COL27A1: variants seen among roughly 807,000 people sequenced by gnomAD.
COL27A1 encodes the protein collagen type XXVII alpha 1 chain.
A neutral mutation model predicts 251.3 loss-of-function variants in COL27A1; 106 were observed. That is an observed-to-expected ratio of 0.42 (90% CI 0.36 to 0.50). COL27A1 has a LOEUF of 0.50. COL27A1 is among the 20% of genes least tolerant of loss of function. The pLI is 0.00. For missense variants in COL27A1, 2,325 were observed against 2,522.8 expected (o/e 0.92, Z 1.68); for synonymous variants, 1,000 against 986.3 (o/e 1.01, Z -0.26).
In COL27A1 at chr9:114,252,980, G is replaced by A. The variant is rs200778855; in HGVS notation, c.3141+48G>A. On this transcript the variant is annotated intron_variant, in intron 27 of 60. Transcript: ENST00000356083. ...CTAAGCTCAAACCACTGTCAGATAA[G>A]GGTTAGGTGGCTGGGTGTGGTGGCT... 1.8e-5 allele frequency: 27 copies of A among 1,497,236 alleles called. No individual in the cohort carries two copies. The East Asian group carries it at 5.9e-4, about 33-fold the overall frequency. 92.7% of individuals were successfully genotyped at this position (1,497,236 alleles called of 1,614,324 possible).
At chr9:114,304,811 C>T (rs1003589922) in intron 57 of COL27A1, 138 bp downstream of exon 57, 8 of 713,872 alleles carry the variant, frequency 1.1e-5, no homozygotes, top group Non-Finnish European at 1.9e-5. Context: ...CATCTCGCAT[C>T]CACAAATGGG....
At chr9:114,235,467 A>G in intron 16 of COL27A1, 132 bp from the exon 17 acceptor site, 2 of 771,856 alleles carry the variant, frequency 2.6e-6, no homozygotes, top group Non-Finnish European at 4.7e-6. Context: ...TTCCTCTCAC[A>G]AGGCTGCTGC....
At chr9:114,243,444 C>T in intron 22 of COL27A1, 63 bp from the exon 23 acceptor site, 1 of 1,411,178 alleles carries the variant, frequency 7.1e-7, no homozygotes, top group Non-Finnish European at 1.0e-6. Flanking sequence ...CCCTTGGAGC[C>T]CCTGGACCCC....
chr9:114,265,595 G>A, intron 32 of COL27A1, 120 bp downstream of exon 32: 1 of 956,250 alleles, frequency 1.0e-6, no homozygotes, highest in East Asian at 2.6e-5. Flanking sequence ...AACCCGCTGT[G>A]GGCCAGGCCT....
intron 23 of COL27A1, among the ~76,000 whole-genome samples, chr9:114,243,927 T>TC (rs1319259463): frequency 1.1e-5 from 1 of 90,786 alleles, no homozygotes; most frequent in African/African-American, 5.4e-5. Context: ...TTTCTTTCAT[T>TC]TTTTTTTTTT....
At chr9:114,214,011 C>T (rs1185571964) in intron 12 of COL27A1, among the ~76,000 whole-genome samples, 1 of 152,194 alleles carries the variant, frequency 6.6e-6, no homozygotes, top group African/African-American at 2.4e-5. Flanking sequence ...AACTCTGTTC[C>T]AGCCACCATG....
Position 114,290,183 on chromosome 9 carries a change from C to G in COL27A1, c.4261-41C>G. The G allele has an allele frequency of 1.2e-5, 19 of 1,587,222 alleles. No homozygotes were observed. Among genetic ancestry groups the G allele is most frequent in the Non-Finnish European group, 1.5e-5 (17 of 1,165,288 alleles). ...CCCACACCCGCCCTCCTCCCACTCC[C>G]TGCACCAAATGCCCTCACCAGCTTT... On this transcript the variant is annotated intron_variant, in intron 46 of 60. Transcript: ENST00000356083. This position sits in a 1 kb window ranked among gnomAD's most constrained non-coding sequence, Gnocchi z 4.6.
intron 18 of COL27A1, among the ~76,000 whole-genome samples, chr9:114,237,339 T>C (rs978637561): frequency 2.0e-5 from 3 of 152,266 alleles, no homozygotes; most frequent in African/African-American, 7.2e-5. Flanking sequence ...CTGTCATTTA[T>C]TGAGTGTCAC....
chr9:114,220,216 G>A (rs1451878738), intron 13 of COL27A1, among the ~76,000 whole-genome samples: 1 of 152,208 alleles, frequency 6.6e-6, no homozygotes, highest in African/African-American at 2.4e-5. Flanking sequence ...GAAGCAAACG[G>A]TCTGCAGGCC....
intron 14 of COL27A1, among the ~76,000 whole-genome samples, chr9:114,222,525 C>T (rs967228182): frequency 2.6e-5 from 4 of 152,112 alleles, no homozygotes; most frequent in African/African-American, 7.2e-5. Flanking sequence ...CTTCTCTGAG[C>T]CTGTTTCCTT....
intron 27 of COL27A1, among the ~76,000 whole-genome samples, chr9:114,255,297 C>G (rs970865916): frequency 4.6e-5 from 7 of 152,142 alleles, no homozygotes; most frequent in Admixed American, 4.6e-4. Flanking sequence ...AGGGCCCGGC[C>G]TCCCTCCCAG....
In COL27A1 at chr9:114,195,939, A is replaced by C; in HGVS notation, c.2071-20A>C. 1 of 1,605,654 alleles carries C rather than the reference A, an allele frequency of 6.2e-7. No individual in the cohort carries two copies. Among genetic ancestry groups the C allele is most frequent in the Non-Finnish European group, 8.5e-7 (1 of 1,172,390 alleles). ...CTGCTCCCGTTTTCCTGCCTCACCC[A>C]CCTTGTCTGTGTCTTCCAGGGTGAC... is the stretch of plus-strand genomic sequence containing the variant. On this transcript the variant is annotated intron_variant, in intron 6 of 60. Coordinates refer to ENST00000356083, the MANE Select transcript of COL27A1 (RefSeq NM_032888.4).
intron 28 of COL27A1, among the ~76,000 whole-genome samples, chr9:114,259,993 GGT>G (rs1834202268): frequency 1.1e-5 from 1 of 93,776 alleles, no homozygotes; most frequent in Non-Finnish European, 2.3e-5. Context: ...ATGTCCTCTG[GGT>G]GGGGGGGGGG....
At chr9:114,159,800 G>T (rs190477103) in intron 1 of COL27A1, among the ~76,000 whole-genome samples, 1 of 152,348 alleles carries the variant, frequency 6.6e-6, no homozygotes, top group East Asian at 1.9e-4. Flanking sequence ...CGTTGCCCAG[G>T]ATGGAAGTAC....
intron 58 of COL27A1, 97 bp from the exon 59 acceptor site, chr9:114,307,572 G>C: frequency 1.2e-6 from 1 of 835,730 alleles, no homozygotes; most frequent in African/African-American, 1.7e-5. Flanking sequence ...CTCACCTGGG[G>C]CTCGGCAGGT....
chr9:114,283,578 A>G, intron 39 of COL27A1, 131 bp from the exon 40 acceptor site: 1 of 761,128 alleles, frequency 1.3e-6, no homozygotes, highest in Non-Finnish European at 2.2e-6. Flanking sequence ...CCTTGTTCAC[A>G]CACTTTGGTT....
In COL27A1 at chr9:114,306,682, G is replaced by T; in HGVS notation, c.5101G>T (p.Val1701Leu). The T allele has an allele frequency of 6.2e-7, 1 of 1,612,942 alleles. No individual in the cohort carries two copies. Among genetic ancestry groups the T allele is most frequent in the Non-Finnish European group, 8.5e-7 (1 of 1,179,672 alleles). ...CCTCATGGACTGTGAGCAGAAGATGGTGGATGGTGAGAAGGCTTCCTGCCG... is the reference window on the plus strand; with the variant it reads ...CCTCATGGACTGTGAGCAGAAGATGTTGGATGGTGAGAAGGCTTCCTGCCG... ...RDLMDCEQKM[V>L]DGTYWVDPNL... The change falls in exon 58 of 61, where the codon GTG becomes TTG. Residue 1701 changes from valine (V) to leucine (L), a missense_variant. Around this residue, in one of 4 missense-constraint regions of COL27A1, gnomAD observed 327 missense variants for 442.8 expected, o/e 0.74. Coordinates refer to ENST00000356083, the MANE Select transcript of COL27A1 (RefSeq NM_032888.4).
In COL27A1 at chr9:114,310,669, G is replaced by A. The variant is rs1829385521; in HGVS notation, c.5557G>A (p.Glu1853Lys). The A allele has an allele frequency of 3.7e-6, 6 of 1,614,168 alleles. No homozygotes were observed. Among genetic ancestry groups the A allele is most frequent in the Admixed American group, 1.7e-5 (1 of 60,026 alleles). Residue 1853 changes from glutamate (E) to lysine (K), a missense_variant, in exon 61 of 61, where the codon GAA (glutamate) becomes AAA (lysine). This residue lies in a region of COL27A1 where 327 missense variants were observed against 442.8 expected (regional missense o/e 0.74). Coordinates refer to ENST00000356083, the MANE Select transcript of COL27A1 (RefSeq NM_032888.4). ...CTCATCAGGGAAGCAGTACCGCCTG[G>A]AAGTTGGACCTGCGTGCTTCCTCTG... The part of the protein sequence containing the change: ...PASSGKQYRL[E>K]VGPACFL
At chr9:114,173,956 C>A (rs576401947) in intron 3 of COL27A1, among the ~76,000 whole-genome samples, 1 of 142,660 alleles carries the variant, frequency 7.0e-6, no homozygotes, top group Non-Finnish European at 1.5e-5. Flanking sequence ...AGCTAGACAG[C>A]GGGGGTTTGG....
Sources: allele counts gnomAD v4.1 joint callset (sites outside exome capture counted in the v4.1 genomes callset), GRCh38; gene constraint gnomAD v4.1.1; regional missense constraint gnomAD v4.1.1; non-coding constraint Gnocchi (gnomAD v3.1); transcripts MANE v1.5; gene names NCBI Gene and HGNC (gene_info 2026-07-23, HGNC 2026-07-21).